The following SPON1 variants were observed in gnomAD, a reference collection of about 807,000 sequenced individuals.
The protein encoded by SPON1 is spondin-1.
Under a neutral mutation model 111.7 loss-of-function variants are expected in SPON1, and 52 were observed. That is an observed-to-expected ratio of 0.47 (90% CI 0.37 to 0.59). The LOEUF is 0.59. Among genes scored for constraint, SPON1 ranks in the 20% least tolerant of loss-of-function variants. The pLI, the probability that SPON1 is intolerant of heterozygous loss-of-function variation, is 0.00. For synonymous variants in SPON1, 410 were observed against 395.8 expected, an observed-to-expected ratio of 1.04 and a Z score of -0.43; for missense variants, 957 against 1,068.5, an observed-to-expected ratio of 0.90 and a Z score of 1.46.
chr11:14,055,517 C>T (rs1408813023), intron 3 of SPON1, among the ~76,000 whole-genome samples: 6 of 152,146 alleles, frequency 3.9e-5, no homozygotes, highest in Non-Finnish European at 4.4e-5. Context: ...TCTTCCTTAA[C>T]GATAGAAAGA....
intron 3 of SPON1, among the ~76,000 whole-genome samples, chr11:14,074,851 G>A (rs558351639): frequency 2.0e-5 from 3 of 152,288 alleles, no homozygotes; most frequent in Admixed American, 6.5e-5. Flanking sequence ...AGACAGTTTT[G>A]TCTAGACTTT....
intron 6 of SPON1, among the ~76,000 whole-genome samples, chr11:14,229,930 C>G (rs1428471288): frequency 1.9e-4 from 27 of 143,468 alleles, no homozygotes; most frequent in Non-Finnish European, 2.6e-4. Context: ...GTGTGTGTGT[C>G]TGTCTGTCTG....
intron 3 of SPON1, among the ~76,000 whole-genome samples, chr11:14,057,844 C>CAAAAAAAAAAAAAAAAAAAAAAAAAA (rs1277903384): frequency 8.0e-6 from 1 of 125,460 alleles, no homozygotes; most frequent in Non-Finnish European, 1.7e-5. Context: ...AAAAAAAAAA[C>CAAAAAAAAAAAAAAAAAAAAAAAAAA]AAAACAAAAA....
chr11:14,027,560 C>CT (rs782359607), intron 2 of SPON1, among the ~76,000 whole-genome samples: 15 of 152,150 alleles, frequency 9.9e-5, no homozygotes, highest in Admixed American at 4.6e-4. Flanking sequence ...GTTTTTGCTC[C>CT]TTTTTCCTTT....
intron 6 of SPON1, among the ~76,000 whole-genome samples, chr11:14,210,941 T>G (rs782357662): frequency 1.1e-4 from 17 of 152,220 alleles, no homozygotes; most frequent in Non-Finnish European, 1.9e-4. Context: ...CTGAGGCCTC[T>G]GTTCTGTTCC....
intron 2 of SPON1, among the ~76,000 whole-genome samples, chr11:14,003,612 C>G (rs1053703497): frequency 2.6e-5 from 4 of 152,020 alleles, no homozygotes; most frequent in Non-Finnish European, 5.9e-5. Context: ...TATCAAGACA[C>G]AGAAAGAAAG....
intron 6 of SPON1, among the ~76,000 whole-genome samples, chr11:14,182,854 G>A (rs533925941): frequency 1.3e-5 from 2 of 152,274 alleles, no homozygotes; most frequent in East Asian, 3.9e-4. Flanking sequence ...ATGCCAAGTG[G>A]ACAATGAGAC....
intron 2 of SPON1, among the ~76,000 whole-genome samples, chr11:14,021,868 T>C (rs919042136): frequency 4.6e-5 from 7 of 152,236 alleles, no homozygotes; most frequent in African/African-American, 1.7e-4. Flanking sequence ...GTCTCTAAAG[T>C]TCACTGATCA....
Position 14,255,636 on chromosome 11 carries a change from T to C in SPON1, c.1093-11T>C. 1 of 1,613,012 alleles carries C rather than the reference T, an allele frequency of 6.2e-7. No individual in the cohort carries two copies. The highest frequency in any genetic ancestry group is 8.5e-7 in the Non-Finnish European group (1 of 1,179,338). ...ATTTCTTACTCTCTACCTCTGTATG[T>C]TTTCTTGCAGTCACCCAACAAACCC... On this transcript the variant is annotated splice_polypyrimidine_tract_variant and intron_variant, in intron 8 of 15. Coordinates refer to ENST00000576479, the MANE Select transcript of SPON1 (RefSeq NM_006108.4).
At chr11:14,260,399 AAAG>A (rs758185987) in intron 13 of SPON1, among the ~76,000 whole-genome samples, 186 bp from the exon 14 acceptor site, 6 of 152,148 alleles carry the variant, frequency 3.9e-5, no homozygotes, top group African/African-American at 2.4e-5. Context: ...AAGAGAGTGA[AAAG>A]AAGAGCAGTA....
At chr11:14,021,652 G>A (rs139730105) in intron 2 of SPON1, among the ~76,000 whole-genome samples, 89 of 152,278 alleles carry the variant, frequency 5.8e-4, no homozygotes, top group African/African-American at 2.0e-3. Flanking sequence ...GAAAACCCAA[G>A]GCCCTGGAAG....
At chr11:14,090,824 G>GGCCC (rs1849046409) in intron 5 of SPON1, among the ~76,000 whole-genome samples, 1 of 45,580 alleles carries the variant, frequency 2.2e-5, no homozygotes, top group Non-Finnish European at 3.9e-5. Context: ...CTCTTATCTG[G>GGCCC]CCCCCCCCCC....
intron 2 of SPON1, among the ~76,000 whole-genome samples, chr11:14,032,300 G>A (rs781845429): frequency 9.1e-5 from 13 of 142,906 alleles, no homozygotes; most frequent in East Asian, 4.0e-4. Flanking sequence ...GATCAGGAAC[G>A]TTTGTTTCAT....
intron 1 of SPON1, among the ~76,000 whole-genome samples, chr11:13,980,613 T>A (rs1554909535): frequency 6.6e-6 from 1 of 152,204 alleles, no homozygotes; most frequent in East Asian, 1.9e-4. Flanking sequence ...TACATGTGTA[T>A]ACATTAGGGC....
intron 6 of SPON1, among the ~76,000 whole-genome samples, chr11:14,214,843 A>G (rs1380113996): frequency 1.3e-5 from 2 of 152,186 alleles, no homozygotes; most frequent in African/African-American, 4.8e-5. Flanking sequence ...CCTGTGAGAG[A>G]GGATGAAGGG....
At chr11:14,146,841 C>T (rs116005098) in intron 6 of SPON1, among the ~76,000 whole-genome samples, 2,025 of 152,034 alleles carry the variant, frequency 0.013, 23 homozygotes, top group Non-Finnish European at 0.02. Context: ...AATTTTATAT[C>T]AGTTGGAAAA....
At chr11:13,979,518 C>A (rs1481468023) in intron 1 of SPON1, among the ~76,000 whole-genome samples, 14 of 152,172 alleles carry the variant, frequency 9.2e-5, no homozygotes, top group Admixed American at 8.5e-4. Context: ...GTAGGGGAAG[C>A]AGGACAGCAA....
chr11:14,007,629 C>T (rs1466526198), intron 2 of SPON1, among the ~76,000 whole-genome samples: 1 of 152,172 alleles, frequency 6.6e-6, no homozygotes, highest in Non-Finnish European at 1.5e-5. Context: ...CACCCAGGGT[C>T]AATACTTTGC....
intron 6 of SPON1, among the ~76,000 whole-genome samples, chr11:14,195,337 T>C (rs782594575): frequency 2.6e-5 from 4 of 152,184 alleles, no homozygotes; most frequent in Non-Finnish European, 5.9e-5. Context: ...CTTTCAGCTC[T>C]CTGGCAAAGT....
Sources: gnomAD v4.1 joint callset for allele counts (sites outside exome capture counted in the v4.1 genomes callset) on GRCh38, gnomAD v4.1.1 for gene constraint, MANE v1.5 for transcripts, NCBI Gene and HGNC (gene_info 2026-07-23, HGNC 2026-07-21) for gene names.